The following CSMD1 variants were observed in gnomAD, a reference collection of about 807,000 sequenced individuals.
CSMD1 encodes CUB and sushi domain-containing protein 1.
CSMD1 carries 213 observed loss-of-function variants against 417.5 expected under a neutral mutation model. The ratio of observed to expected loss-of-function variants is 0.51; its 90% CI spans 0.46 to 0.57. CSMD1 has a LOEUF of 0.57. Ranked by LOEUF, CSMD1 falls within the 20% of genes least tolerant of loss-of-function variation. The pLI is 0.00. For missense variants in CSMD1, 6,923 were observed against 4,529.7 expected (o/e 1.53, Z -15.17); for synonymous variants, 2,862 against 1,736.8 (o/e 1.65, Z -16.11).
intron 50 of CSMD1, among the ~76,000 whole-genome samples, chr8:3,050,229 A>C (rs1811729995): frequency 6.6e-6 from 1 of 152,202 alleles, no homozygotes. Flanking sequence ...GTGCATACCC[A>C]GTAGAGAACC....
intron 37 of CSMD1, among the ~76,000 whole-genome samples, chr8:3,176,740 G>GTGACCTCATTTCCTTTTCTT (rs1820959676): frequency 6.6e-6 from 1 of 151,812 alleles, no homozygotes; most frequent in East Asian, 1.9e-4. Flanking sequence ...AGGTACCCTG[G>GTGACCTCATTTCCTTTTCTT]TGACCTCATT....
At chr8:4,539,696 T>C (rs1322325752) in intron 2 of CSMD1, among the ~76,000 whole-genome samples, 1 of 152,216 alleles carries the variant, frequency 6.6e-6, no homozygotes, top group Non-Finnish European at 1.5e-5. Flanking sequence ...TAGGGGAAAA[T>C]ATCCTAGCTC....
At chr8:4,648,685 T>G (rs2130888213) in intron 1 of CSMD1, among the ~76,000 whole-genome samples, 1 of 152,344 alleles carries the variant, frequency 6.6e-6, no homozygotes, top group South Asian at 2.1e-4. Flanking sequence ...TTACTGGATT[T>G]TTAACATTTA....
chr8:4,263,129 T>G (rs574417697), intron 3 of CSMD1, among the ~76,000 whole-genome samples: 24 of 152,196 alleles, frequency 1.6e-4, no homozygotes, highest in African/African-American at 5.5e-4. Flanking sequence ...GTGATATCAC[T>G]TATTTTTTCA....
intron 3 of CSMD1, among the ~76,000 whole-genome samples, chr8:4,382,308 A>G (rs1181437972): frequency 2.6e-5 from 4 of 152,188 alleles, no homozygotes; most frequent in Non-Finnish European, 2.9e-5. Context: ...GAAAAAAGAG[A>G]GGAGTTATAT....
At chr8:3,983,284 C>G (rs1198923290) in intron 5 of CSMD1, among the ~76,000 whole-genome samples, 1 of 152,028 alleles carries the variant, frequency 6.6e-6, no homozygotes, top group African/African-American at 2.4e-5. Flanking sequence ...GCGCCCACCA[C>G]CACGCCCGGC....
At chr8:4,062,046 G>C (rs927354736) in intron 3 of CSMD1, among the ~76,000 whole-genome samples, 1 of 152,152 alleles carries the variant, frequency 6.6e-6, no homozygotes, top group Non-Finnish European at 1.5e-5. Flanking sequence ...TGAAAATGCA[G>C]AGTGCCAGCT....
chr8:3,622,151 A>C (rs149353363), intron 7 of CSMD1, among the ~76,000 whole-genome samples: 5 of 152,258 alleles, frequency 3.3e-5, no homozygotes, highest in East Asian at 1.9e-4. Flanking sequence ...TAGCTCTCTG[A>C]AATTTATCTT....
At chr8:4,200,224 G>C (rs1213775046) in intron 3 of CSMD1, among the ~76,000 whole-genome samples, 1 of 152,092 alleles carries the variant, frequency 6.6e-6, no homozygotes, top group Admixed American at 6.5e-5. Flanking sequence ...ATTCTGGCCA[G>C]CATTTCAAAA....
At chr8:4,168,143 AT>A (rs1380532047) in intron 3 of CSMD1, among the ~76,000 whole-genome samples, 3 of 8,308 alleles carry the variant, frequency 3.6e-4, no homozygotes, top group African/African-American at 4.5e-4. Flanking sequence ...ATAAAAAAAA[AT>A]ATACACACAC....
At chr8:4,229,562 C>T (rs1352575572) in intron 3 of CSMD1, among the ~76,000 whole-genome samples, 3 of 152,188 alleles carry the variant, frequency 2.0e-5, no homozygotes, top group East Asian at 1.9e-4. Flanking sequence ...CATTCCCCAT[C>T]CTCAGCACCT....
intron 54 of CSMD1, among the ~76,000 whole-genome samples, chr8:2,981,176 A>C (rs988829066): frequency 1.3e-5 from 2 of 152,184 alleles, no homozygotes; most frequent in African/African-American, 2.4e-5. Flanking sequence ...CATTGTTGCA[A>C]ATGGGTGTGT....
intron 68 of CSMD1, among the ~76,000 whole-genome samples, chr8:2,944,748 C>T (rs1240807207): frequency 9.2e-5 from 14 of 152,102 alleles, no homozygotes; most frequent in Non-Finnish European, 2.9e-5. Flanking sequence ...CTTTTAGTTT[C>T]CATTACGATG....
At chr8:4,115,502 A>G (rs980648805) in intron 3 of CSMD1, among the ~76,000 whole-genome samples, 6 of 152,172 alleles carry the variant, frequency 3.9e-5, no homozygotes, top group African/African-American at 1.4e-4. Flanking sequence ...ACAACTAAAA[A>G]TTATCTTGAA....
intron 5 of CSMD1, among the ~76,000 whole-genome samples, chr8:3,849,617 C>G (rs1483819732): frequency 1.3e-5 from 2 of 152,138 alleles, no homozygotes; most frequent in Non-Finnish European, 2.9e-5. Flanking sequence ...CTGGGCCTGT[C>G]TGCTGGAGCC....
rs762759292 is a variant in CSMD1 at position 3,916,849 on chromosome 8, G to C, written c.818+81054C>G. Among the ~76,000 whole-genome samples, 3 of 151,978 alleles carry C rather than the reference G, an allele frequency of 2.0e-5. No individual in the cohort carries two copies. In the East Asian group the frequency reaches 5.8e-4, roughly 29 times the overall value. Reference sequence around the variant, plus strand: ...GTCTTAGATTGCTGCAGGTTAGAGAGATAAGGACTTGCACCAAATAAAAGT... The same window carrying C: ...GTCTTAGATTGCTGCAGGTTAGAGACATAAGGACTTGCACCAAATAAAAGT... On this transcript the variant is annotated intron_variant, in intron 5 of 69. Coordinates refer to ENST00000635120, the MANE Select transcript of CSMD1 (RefSeq NM_033225.6).
chr8:4,152,910 T>G (rs553673508), intron 3 of CSMD1, among the ~76,000 whole-genome samples: 1 of 152,286 alleles, frequency 6.6e-6, no homozygotes, highest in Non-Finnish European at 1.5e-5. Flanking sequence ...CTCAAAAACT[T>G]TATGAAAGGT....
At chr8:4,857,775 G>A (rs897465390) in intron 1 of CSMD1, among the ~76,000 whole-genome samples, 1 of 151,912 alleles carries the variant, frequency 6.6e-6, no homozygotes, top group Non-Finnish European at 1.5e-5. Context: ...ATAATCAATA[G>A]CTTACCAACC....
chr8:3,716,959 T>C (rs1801876109), intron 6 of CSMD1, among the ~76,000 whole-genome samples: 1 of 152,168 alleles, frequency 6.6e-6, no homozygotes, highest in African/African-American at 2.4e-5. Flanking sequence ...TTTATGCTAC[T>C]CCTACAATCA....
Sources: allele counts gnomAD v4.1 joint callset (sites outside exome capture counted in the v4.1 genomes callset), GRCh38; gene constraint gnomAD v4.1.1; transcripts MANE v1.5; gene names NCBI Gene and HGNC (gene_info 2026-07-23, HGNC 2026-07-21).